Variants in ZFHX3 observed in about 807,000 individuals in gnomAD.
The protein encoded by ZFHX3 is zinc finger homeobox protein 3.
Under a neutral mutation model 279.1 loss-of-function variants are expected in ZFHX3, and 42 were observed. The ratio of observed to expected loss-of-function variants is 0.15; its 90% CI spans 0.12 to 0.19. The LOEUF (loss-of-function observed/expected upper bound fraction) is 0.19, where lower values mean the gene tolerates loss of function less well. Among genes scored for constraint, ZFHX3 ranks in the 10% least tolerant of loss-of-function variants. The probability of loss-of-function intolerance (pLI) is 1.00; values close to 1 mark genes in which losing one functional copy is unlikely to be tolerated. For missense variants in ZFHX3, 4,981 were observed against 4,754.0 expected, an observed-to-expected ratio of 1.05 and a Z score of -1.40; for synonymous variants, 2,293 against 1,957.8, an observed-to-expected ratio of 1.17 and a Z score of -4.52.
chr16:72,892,534 G>T (rs2038799466), intron 3 of ZFHX3, among the ~76,000 whole-genome samples: 1 of 150,222 alleles, frequency 6.7e-6, no homozygotes, highest in Non-Finnish European at 1.5e-5. Context: ...TTGAGACAGG[G>T]TCTCACTCTG....
chr16:73,320,470 T>C (rs1327200631), intron 3 of ZFHX3, among the ~76,000 whole-genome samples: 1 of 152,218 alleles, frequency 6.6e-6, no homozygotes, highest in East Asian at 1.9e-4. Context: ...ATCCACATCA[T>C]CTCACATTTG....
chr16:73,260,698 T>G (rs1362013936), intron 4 of ZFHX3, among the ~76,000 whole-genome samples: 25 of 144,888 alleles, frequency 1.7e-4, no homozygotes, highest in Non-Finnish European at 3.4e-4. Context: ...TTTTTTTTTT[T>G]TTTTTTTTTG....
intron 5 of ZFHX3, among the ~76,000 whole-genome samples, chr16:73,207,238 C>T (rs559885845): frequency 5.9e-5 from 9 of 152,128 alleles, no homozygotes; most frequent in Non-Finnish European, 8.8e-5. Flanking sequence ...AAGCACTAGA[C>T]GACACACGGT....
intron 2 of ZFHX3, among the ~76,000 whole-genome samples, chr16:73,585,605 C>T (rs1390361415): frequency 6.6e-6 from 1 of 151,874 alleles, no homozygotes; most frequent in Non-Finnish European, 1.5e-5. Context: ...GAACTTAAAA[C>T]AAAAACAAAA....
At chr16:73,718,370 C>A (rs1014704334) in intron 1 of ZFHX3, among the ~76,000 whole-genome samples, 1 of 151,904 alleles carries the variant, frequency 6.6e-6, no homozygotes, top group South Asian at 2.1e-4. Flanking sequence ...AAGATCTTGC[C>A]ATCACACTCC....
intron 5 of ZFHX3, among the ~76,000 whole-genome samples, chr16:73,147,401 A>T (rs186127776): frequency 7.7e-4 from 117 of 152,074 alleles, no homozygotes; most frequent in African/African-American, 2.4e-3. Context: ...AAATAAGAAT[A>T]AAAAAATTGG....
At chr16:73,349,801 T>G (rs1597296051) in intron 3 of ZFHX3, among the ~76,000 whole-genome samples, 1 of 117,086 alleles carries the variant, frequency 8.5e-6, no homozygotes, top group Non-Finnish European at 1.8e-5. Context: ...TTGTTCCCTC[T>G]TCCCTCCCTC....
At chr16:73,251,270 C>G (rs1383852800) in intron 5 of ZFHX3, among the ~76,000 whole-genome samples, 1 of 152,054 alleles carries the variant, frequency 6.6e-6, no homozygotes, top group Non-Finnish European at 1.5e-5. Flanking sequence ...GTGTACAGTC[C>G]CCAAGTTAGT....
intron 1 of ZFHX3, among the ~76,000 whole-genome samples, chr16:73,854,506 A>G (rs1210758384): frequency 6.6e-6 from 1 of 152,200 alleles, no homozygotes; most frequent in Admixed American, 6.5e-5. Context: ...CCTAGGCAAC[A>G]GCAAGACTCT....
intron 2 of ZFHX3, among the ~76,000 whole-genome samples, chr16:73,531,085 A>G (rs1163397196): frequency 6.6e-6 from 1 of 152,204 alleles, no homozygotes; most frequent in Non-Finnish European, 1.5e-5. Flanking sequence ...TTGTTGGGAA[A>G]CTTACCAGTT....
chr16:72,983,718 A>G (rs988328849), intron 1 of ZFHX3, among the ~76,000 whole-genome samples: 1 of 151,076 alleles, frequency 6.6e-6, no homozygotes. Context: ...GAAAAAAAAA[A>G]AGAGAGAGAG....
intron 1 of ZFHX3, among the ~76,000 whole-genome samples, chr16:73,792,856 A>ACCCCCCCCCCCC (rs55813623): frequency 3.0e-5 from 4 of 135,200 alleles, no homozygotes; most frequent in Non-Finnish European, 4.7e-5. Flanking sequence ...CATACAGTGC[A>ACCCCCCCCCCCC]CCCCCCCCCT....
chr16:73,171,920 A>C (rs1018038219), intron 5 of ZFHX3, among the ~76,000 whole-genome samples: 13 of 152,166 alleles, frequency 8.5e-5, no homozygotes, highest in Non-Finnish European at 1.5e-4. Flanking sequence ...TAATTTGATC[A>C]TTACACATTA....
chr16:73,143,874 T>A (rs1422282295), intron 5 of ZFHX3: 5 of 1,002,348 alleles, frequency 5.0e-6, no homozygotes, highest in Non-Finnish European at 5.5e-6. Flanking sequence ...TGGGGAGATG[T>A]TTGGCAAACC....
intron 3 of ZFHX3, among the ~76,000 whole-genome samples, chr16:73,383,704 T>G (rs1369060918): frequency 6.6e-6 from 1 of 151,284 alleles, no homozygotes; most frequent in Non-Finnish European, 1.5e-5. Context: ...CAGTGTTAGC[T>G]CCCCTCCAAC....
chr16:72,897,437 T>C (rs916050247), intron 3 of ZFHX3, among the ~76,000 whole-genome samples: 13 of 152,078 alleles, frequency 8.5e-5, no homozygotes, highest in Admixed American at 2.0e-4. Context: ...TCTACACACA[T>C]ACTTTTTTTC....
At chr16:73,713,520 C>T (rs960063321) in intron 1 of ZFHX3, among the ~76,000 whole-genome samples, 1 of 152,128 alleles carries the variant, frequency 6.6e-6, no homozygotes. Context: ...ATGAAGCTGG[C>T]GCAGCAGCAT....
rs955893812 is a variant in ZFHX3 at position 72,889,734 on chromosome 16, G to C, written c.3445C>G (p.Pro1149Ala). ...CCATGCCTGTGAGACCACTCACCTGGGTCCGTGGAGGGGCACCTGCGGATG... is the reference window on the plus strand; with the variant it reads ...CCATGCCTGTGAGACCACTCACCTGCGTCCGTGGAGGGGCACCTGCGGATG... ...FTIRRCPSTDPEEAIEDVEGP... is the reference protein window; with the variant it reads ...FTIRRCPSTDAEEAIEDVEGP... The change falls in exon 4 of 10, where the codon CCA becomes GCA. Residue 1149 changes from proline (P) to alanine (A), a missense_variant. Coordinates refer to ENST00000268489, the MANE Select transcript of ZFHX3 (RefSeq NM_006885.4). 6.2e-7 allele frequency: 1 copy of C among 1,612,102 alleles called. No individual in the cohort carries two copies. The highest frequency in any genetic ancestry group is 2.2e-5 in the East Asian group (1 of 44,848).
intron 1 of ZFHX3, among the ~76,000 whole-genome samples, chr16:73,019,158 G>A (rs968401940): frequency 3.9e-5 from 6 of 152,174 alleles, no homozygotes; most frequent in Admixed American, 1.3e-4. Context: ...CTATCACTAC[G>A]AGGCAAGGAC....
Sources: gnomAD v4.1 joint callset for allele counts (sites outside exome capture counted in the v4.1 genomes callset) on GRCh38, gnomAD v4.1.1 for gene constraint, MANE v1.5 for transcripts, NCBI Gene and HGNC (gene_info 2026-07-23, HGNC 2026-07-21) for gene names.